Variants in TAFA2 observed in about 807,000 individuals in gnomAD.
The protein encoded by TAFA2 is chemokine-like protein TAFA-2.
A neutral mutation model predicts 18.8 loss-of-function variants in TAFA2; 7 were observed. The observed-to-expected ratio is 0.37, with a 90% CI of 0.21 to 0.70. The LOEUF (loss-of-function observed/expected upper bound fraction) is 0.70, where lower values mean the gene tolerates loss of function less well. Among genes scored for constraint, TAFA2 ranks in the 30% least tolerant of loss-of-function variants. The pLI, the probability that TAFA2 is intolerant of heterozygous loss-of-function variation, is 0.53. For synonymous variants in TAFA2, 60 were observed against 54.2 expected, an observed-to-expected ratio of 1.11 and a Z score of -0.47; for missense variants, 122 against 158.1, an observed-to-expected ratio of 0.77 and a Z score of 1.23.
intron 1 of TAFA2, among the ~76,000 whole-genome samples, chr12:62,075,503 C>A (rs575121483): frequency 3.9e-5 from 6 of 152,258 alleles, no homozygotes; most frequent in African/African-American, 1.4e-4. Context: ...AGACTCTCTC[C>A]CCCTTCTCAC....
At chr12:62,057,730 A>C (rs995369709) in intron 1 of TAFA2, among the ~76,000 whole-genome samples, 11 of 152,196 alleles carry the variant, frequency 7.2e-5, no homozygotes, top group African/African-American at 2.7e-4. Flanking sequence ...ATAGGAATTT[A>C]GGCCACTTTA....
chr12:62,254,217 T>C (rs541598402), intron 1 of TAFA2, among the ~76,000 whole-genome samples: 42 of 152,318 alleles, frequency 2.8e-4, no homozygotes, highest in Non-Finnish European at 4.3e-4. Flanking sequence ...GGGAGGCAAA[T>C]ATTTTATAAA....
intron 2 of TAFA2, among the ~76,000 whole-genome samples, chr12:61,820,938 C>A (rs993651886): frequency 2.0e-5 from 3 of 151,948 alleles, no homozygotes; most frequent in Non-Finnish European, 2.9e-5. Flanking sequence ...ACAGGTGTAT[C>A]CATAATCAAT....
intron 1 of TAFA2, among the ~76,000 whole-genome samples, chr12:61,894,252 T>C (rs955639438): frequency 6.6e-6 from 1 of 152,232 alleles, no homozygotes; most frequent in Non-Finnish European, 1.5e-5. Context: ...TAAATAACAT[T>C]TCTCTTCACT....
At chr12:62,198,674 GT>G (rs1258657144) in intron 1 of TAFA2, among the ~76,000 whole-genome samples, 1 of 152,032 alleles carries the variant, frequency 6.6e-6, no homozygotes, top group Non-Finnish European at 1.5e-5. Flanking sequence ...TCTTTTAAAT[GT>G]TTTTTAAAAA....
chr12:62,145,663 G>C (rs1244338643), intron 1 of TAFA2: 1 of 152,210 alleles, frequency 6.6e-6, no homozygotes, highest in African/African-American at 2.4e-5. Flanking sequence ...AAAGAGAGAA[G>C]GGTCTTTTAT....
intron 1 of TAFA2, among the ~76,000 whole-genome samples, chr12:62,172,559 T>C (rs1355516763): frequency 1.3e-5 from 2 of 152,218 alleles, no homozygotes; most frequent in Non-Finnish European, 2.9e-5. Flanking sequence ...GCACTAATCT[T>C]GATTCAGAGG....
At chr12:62,104,691 A>G (rs887277502) in intron 1 of TAFA2, 1 of 455,708 alleles carries the variant, frequency 2.2e-6, no homozygotes, top group Admixed American at 2.4e-5. Flanking sequence ...CTAGTCCTCA[A>G]CTAAGAGGAC....
At chr12:61,778,363 C>T (rs1870360646) in intron 2 of TAFA2, among the ~76,000 whole-genome samples, 1 of 151,734 alleles carries the variant, frequency 6.6e-6, no homozygotes, top group Non-Finnish European at 1.5e-5. Flanking sequence ...TCATTATATC[C>T]ATCTGGCTTC....
chr12:61,787,387 C>A (rs73324057), intron 2 of TAFA2, among the ~76,000 whole-genome samples: 1 of 151,406 alleles, frequency 6.6e-6, no homozygotes, highest in Non-Finnish European at 1.5e-5. Flanking sequence ...CAGTAGTAGA[C>A]GTAAGTTTAT....
Position 61,709,172 on chromosome 12 carries a change from AAAAAAGT to A in TAFA2, c.*1227_*1233del, listed in dbSNP as rs1869275923. 6.6e-6 allele frequency: 1 copy of A among 152,558 alleles called. No individual in the cohort carries two copies. The highest frequency in any genetic ancestry group is 1.9e-4 in the East Asian group (1 of 5,196). The allele number at this position is 152,558 out of a possible 1,614,324, so 9.5% of individuals were successfully genotyped here. On this transcript the variant is annotated 3_prime_UTR_variant, in exon 5 of 5. Coordinates refer to ENST00000416284, the MANE Select transcript of TAFA2 (RefSeq NM_178539.5). ...AATTATACATTCTATAACTTAGAAA[AAAAAAGT>A]ACATACATGTTTAAGGCCTTTAAAT...
intron 1 of TAFA2, among the ~76,000 whole-genome samples, chr12:61,978,478 A>C (rs989905444): frequency 6.6e-6 from 1 of 152,084 alleles, no homozygotes; most frequent in African/African-American, 2.4e-5. Context: ...CAGTTCCTAC[A>C]TGAGAAAGAA....
chr12:61,975,967 T>C (rs569868301), intron 1 of TAFA2, among the ~76,000 whole-genome samples: 5 of 151,960 alleles, frequency 3.3e-5, no homozygotes, highest in Non-Finnish European at 5.9e-5. Flanking sequence ...CATTTCACAA[T>C]GTGTACATAT....
At chr12:61,714,663 A>G (rs1869565302) in intron 4 of TAFA2, among the ~76,000 whole-genome samples, 1 of 152,244 alleles carries the variant, frequency 6.6e-6, no homozygotes, top group Admixed American at 6.5e-5. Context: ...TCAATTATTT[A>G]TACAGTTTCC....
At chr12:62,174,749 T>A (rs560626403) in intron 1 of TAFA2, among the ~76,000 whole-genome samples, 15 of 152,326 alleles carry the variant, frequency 9.8e-5, no homozygotes, top group South Asian at 6.2e-4. Flanking sequence ...CCTTAATCTT[T>A]ACACGGCTCT....
chr12:62,204,859 A>G (rs756069680), intron 1 of TAFA2, among the ~76,000 whole-genome samples: 3 of 152,098 alleles, frequency 2.0e-5, no homozygotes, highest in African/African-American at 7.2e-5. Flanking sequence ...ACCCAGTTCT[A>G]TGCCCTTGCT....
chr12:61,724,575 T>A (rs573343858), intron 4 of TAFA2, among the ~76,000 whole-genome samples: 198 of 152,214 alleles, frequency 1.3e-3, no homozygotes, highest in Non-Finnish European at 2.2e-3. Flanking sequence ...GTTTATTGTA[T>A]CATTCCTATG....
At position 61,946,176 on chromosome 12, in the gene TAFA2, T is replaced by G. The variant is rs1255024164; in HGVS notation, c.-1-78750A>C. ...CGCTTACCTACAACTATCTGATCTT[T>G]GACAAACCTGAGAAAAACAAGCAAT... On this transcript the variant is annotated intron_variant, in intron 1 of 4. Coordinates refer to ENST00000416284, the MANE Select transcript of TAFA2 (RefSeq NM_178539.5). 6.0e-5 allele frequency among the ~76,000 whole-genome samples: 9 copies of G among 151,162 alleles called. No homozygotes were observed. The East Asian group carries it at 1.8e-3, about 30-fold the overall frequency.
chr12:62,160,171 G>A (rs994051463), intron 1 of TAFA2, among the ~76,000 whole-genome samples: 2 of 152,214 alleles, frequency 1.3e-5, no homozygotes, highest in Admixed American at 1.3e-4. Context: ...ACCCAGCCAT[G>A]CAGCTGCCCT....
Sources: gnomAD v4.1 joint callset for allele counts (sites outside exome capture counted in the v4.1 genomes callset) on GRCh38, gnomAD v4.1.1 for gene constraint, MANE v1.5 for transcripts, NCBI Gene and HGNC (gene_info 2026-07-23, HGNC 2026-07-21) for gene names.